PTCH1: variants seen among roughly 807,000 people sequenced by gnomAD.
The protein encoded by PTCH1 is patched 1, also known as protein patched homolog 1.
A neutral mutation model predicts 144.6 loss-of-function variants in PTCH1; 14 were observed. That is an observed-to-expected ratio of 0.10 (90% CI 0.06 to 0.15). The LOEUF is 0.15. Among genes scored for constraint, PTCH1 ranks in the 10% least tolerant of loss-of-function variants. The pLI, the probability that PTCH1 is intolerant of heterozygous loss-of-function variation, is 1.00. For synonymous variants in PTCH1, 833 were observed against 793.6 expected (o/e 1.05, Z -0.83); for missense variants, 1,623 against 1,948.3 (o/e 0.83, Z 3.14).
At chr9:95,506,198 C>G in intron 2 of PTCH1, 1 of 537,548 alleles carries the variant, frequency 1.9e-6, no homozygotes, top group Non-Finnish European at 3.1e-6. Context: ...ACACCTCGGC[C>G]GGCGCAGCGC....
At position 95,453,555 on chromosome 9, in the gene PTCH1, T is replaced by A. The variant is rs756638660; in HGVS notation, c.3372A>T (p.Ala1124=). Residue 1124 remains alanine (A), a synonymous_variant, in exon 20 of 24, where the codon GCA becomes GCT. Coordinates refer to ENST00000331920, the MANE Select transcript of PTCH1 (RefSeq NM_000264.5). ...RAVLALEHMF[A]PVLDGAVSTL... The stretch of plus-strand genomic sequence containing the variant: ...TGGACACGGCGCCATCCAGGACGGG[T>A]GCAAACATGTGCTCCAGGGCAAGCA... 3.2e-5 allele frequency: 51 copies of A among 1,613,920 alleles called. No individual in the cohort carries two copies. The highest frequency in any genetic ancestry group is 5.0e-5 in the Admixed American group (3 of 59,998).
In PTCH1 at chr9:95,478,158, G is replaced by A. The variant is rs1588602943; in HGVS notation, c.1244C>T (p.Ser415Phe). The change falls in exon 9 of 24, where the codon TCC becomes TTC. Residue 415 changes from serine to phenylalanine, a missense_variant. Ser to Phe is a radical substitution (Grantham distance 155). Transcript: ENST00000331920. ...EVVHQSVAQN[S>F]TQKVLSFTTT... ...GGTGAAGGAAAGCACCTTTTGAGTG[G>A]AGTTCTGTGCGACACTCTGATGAAC... 6.2e-7 allele frequency: 1 copy of A among 1,614,196 alleles called. No individual in the cohort carries two copies. Among genetic ancestry groups the A allele is most frequent in the Non-Finnish European group, 8.5e-7 (1 of 1,180,042 alleles).
Position 95,476,818 on chromosome 9 carries a change from C to A in PTCH1, c.1543G>T (p.Val515Phe). ...FLALGVGVDDVFLLAHAFSET... is the reference protein window; with the variant it reads ...FLALGVGVDDFFLLAHAFSET... Reference sequence around the variant, plus strand: ...CTGAAGGCGTGGGCCAGAAGAAAAACATCATCCACACCAACACCAAGAGCG... The same window carrying A: ...CTGAAGGCGTGGGCCAGAAGAAAAAAATCATCCACACCAACACCAAGAGCG... Residue 515 changes from valine (V) to phenylalanine (F), a missense_variant, in exon 11 of 24, where the codon GTT becomes TTT. Val to Phe is a conservative substitution (Grantham distance 50). Coordinates refer to ENST00000331920, the MANE Select transcript of PTCH1 (RefSeq NM_000264.5). The surrounding 1 kb of genome is among the most constrained non-coding windows in gnomAD (Gnocchi z 4.6). 6.2e-7 allele frequency: 1 copy of A among 1,614,070 alleles called. No individual in the cohort carries two copies. Among genetic ancestry groups the A allele is most frequent in the South Asian group, 1.1e-5 (1 of 91,058 alleles).
intron 23 of PTCH1, 94 bp downstream of exon 23, chr9:95,446,817 C>T: frequency 1.3e-6 from 2 of 1,537,928 alleles, no homozygotes; most frequent in Admixed American, 1.7e-5. Context: ...CCGAGCGCCA[C>T]AGCCCCTCGG....
At position 95,469,947 on chromosome 9, in the gene PTCH1, A is replaced by T; in HGVS notation, c.1729-16T>A. 1 of 1,591,440 alleles carries T rather than the reference A, an allele frequency of 6.3e-7. No individual in the cohort carries two copies. The highest frequency in any genetic ancestry group is 8.6e-7 in the Non-Finnish European group (1 of 1,159,458). On this transcript the variant is annotated splice_polypyrimidine_tract_variant and intron_variant, in intron 12 of 23. Transcript: ENST00000331920. ...CTACCGCTGCCTGGGAGCAGAAAAAAAATTCAGAGGTCACCAACATGCCTC... is the reference window on the plus strand; with the variant it reads ...CTACCGCTGCCTGGGAGCAGAAAAATAATTCAGAGGTCACCAACATGCCTC...
chr9:95,492,869 C>T (rs1443856306), intron 2 of PTCH1, among the ~76,000 whole-genome samples: 1 of 151,964 alleles, frequency 6.6e-6, no homozygotes, highest in Non-Finnish European at 1.5e-5. Context: ...GCCTCATTTT[C>T]CTTCTGGTCC....
chr9:95,475,737 T>G (rs188619908), intron 12 of PTCH1, among the ~76,000 whole-genome samples: 87 of 152,112 alleles, frequency 5.7e-4, no homozygotes, highest in African/African-American at 1.5e-3. Context: ...GAGGGCAACA[T>G]GGAGTAGCCC....
intron 5 of PTCH1, among the ~76,000 whole-genome samples, chr9:95,481,586 C>T (rs80155616): frequency 0.065 from 9,831 of 152,282 alleles, 449 homozygotes; most frequent in Non-Finnish European, 0.094. Context: ...TGTGAACCCA[C>T]TCACTAATAA....
At chr9:95,482,772 G>T (rs996387632) in intron 3 of PTCH1, 3 of 166,534 alleles carry the variant, frequency 1.8e-5, no homozygotes, top group Non-Finnish European at 3.9e-5. Context: ...TAAATATACA[G>T]ATCAAGAATT....
At chr9:95,494,462 A>G in intron 2 of PTCH1, 2 of 985,134 alleles carry the variant, frequency 2.0e-6, no homozygotes, top group South Asian at 4.7e-5. Flanking sequence ...AGACAGGCCC[A>G]AGAACGTTGC....
rs531405793 is a variant in PTCH1, at chr9:95,445,792, A to AAG, written c.*599_*600dup. 7 of 155,404 alleles carry AAG rather than the reference A, an allele frequency of 4.5e-5. No individual in the cohort carries two copies. The highest frequency in any genetic ancestry group is 1.7e-4 in the African/African-American group (7 of 41,612). 9.6% of individuals were successfully genotyped at this position (155,404 alleles called of 1,614,324 possible). On this transcript the variant is annotated 3_prime_UTR_variant, in exon 24 of 24. Coordinates refer to ENST00000331920, the MANE Select transcript of PTCH1 (RefSeq NM_000264.5). ...CACGTGTTCACACGCACAGCCAAACAAGAGGACCGCACACAACGACACCTA... is the reference window on the plus strand; with the variant it reads ...CACGTGTTCACACGCACAGCCAAACAAGAGAGGACCGCACACAACGACACCTA...
At chr9:95,469,282 A>C in intron 13 of PTCH1, 129 bp from the exon 14 acceptor site, 1 of 1,247,030 alleles carries the variant, frequency 8.0e-7, no homozygotes, top group Admixed American at 1.9e-5. Flanking sequence ...GAAACATCAC[A>C]TTGCTGAATT....
rs200842963 is a variant in PTCH1 at position 95,516,735 on chromosome 9, C to A, written c.-264G>T. Reference sequence around the variant, plus strand: ...ACAAAAGGAACGGAAAGTGTAAAAACCCCGGCGCGCTGGGCCGCCGGAGGC... The same window carrying A: ...ACAAAAGGAACGGAAAGTGTAAAAAACCCGGCGCGCTGGGCCGCCGGAGGC... On this transcript the variant is annotated 5_prime_UTR_variant, in exon 1 of 23. Coordinates refer to the PTCH1 transcript ENST00000430669. 2.2e-4 allele frequency: 361 copies of A among 1,611,530 alleles called. 4 individuals are homozygous for A. The East Asian group carries it at 8.0e-3, about 36-fold the overall frequency.
intron 1 of PTCH1, 42 bp from the exon 2 acceptor site, chr9:95,506,641 G>C: frequency 7.0e-7 from 1 of 1,437,812 alleles, no homozygotes; most frequent in African/African-American, 1.4e-5. Flanking sequence ...CCGGGGAGTC[G>C]CGGCCCGCGC....
At chr9:95,494,252 T>G in intron 2 of PTCH1, 1 of 985,556 alleles carries the variant, frequency 1.0e-6, no homozygotes, top group Non-Finnish European at 1.2e-6. Context: ...TGGCTTTCCC[T>G]GACGCAGACC....
rs200347952 is a variant in PTCH1, at chr9:95,456,342, G to A, written c.3240C>T (p.Ala1080=). Residue 1080 remains alanine, a synonymous_variant, in exon 19 of 24, where the codon GCC becomes GCT. Coordinates refer to ENST00000331920, the MANE Select transcript of PTCH1 (RefSeq NM_000264.5). ...MMGLIGIKLS[A]VPVVILIASV... Reference sequence around the variant, plus strand: ...AAGCGATCAGGATGACCACGGGCACGGCACTGAGCTTGATTCCGATGAGGC... The same window carrying A: ...AAGCGATCAGGATGACCACGGGCACAGCACTGAGCTTGATTCCGATGAGGC... 90 of 1,614,118 alleles carry A rather than the reference G, an allele frequency of 5.6e-5. No individual in the cohort carries two copies. In the Admixed American group the frequency reaches 1.2e-3, roughly 22 times the overall value.
intron 15 of PTCH1, 142 bp downstream of exon 15, chr9:95,466,974 G>C (rs1254266021): frequency 1.1e-6 from 1 of 923,188 alleles, no homozygotes; most frequent in Non-Finnish European, 1.6e-6. Context: ...GTTCATGTAA[G>C]AATCTTGAGC....
intron 22 of PTCH1, among the ~76,000 whole-genome samples, chr9:95,448,050 G>A (rs1436357204): frequency 6.6e-6 from 1 of 152,194 alleles, no homozygotes; most frequent in East Asian, 1.9e-4. Context: ...GGCTGTGGCG[G>A]GCAGCCTGTT....
intron 2 of PTCH1, among the ~76,000 whole-genome samples, chr9:95,505,728 C>A (rs1843526504): frequency 6.6e-6 from 1 of 151,714 alleles, no homozygotes; most frequent in African/African-American, 2.4e-5. Context: ...TGCAAACATG[C>A]GTTCCAGTCT....
Sources: gnomAD v4.1 joint callset for allele counts (sites outside exome capture counted in the v4.1 genomes callset) on GRCh38, gnomAD v4.1.1 for gene constraint, Gnocchi (gnomAD v3.1) non-coding constraint, MANE v1.5 for transcripts, NCBI Gene and HGNC (gene_info 2026-07-23, HGNC 2026-07-21) for gene names.